PRKG1: variants seen among roughly 807,000 people sequenced by gnomAD.
PRKG1 encodes the protein protein kinase cGMP-dependent 1.
A neutral mutation model predicts 88.1 loss-of-function variants in PRKG1; 35 were observed. The observed-to-expected ratio is 0.40, with a 90% confidence interval of 0.30 to 0.53. The LOEUF is 0.53. Among genes scored for constraint, PRKG1 ranks in the 20% least tolerant of loss-of-function variants. The pLI is 0.59. For synonymous variants in PRKG1, 303 were observed against 292.5 expected, an observed-to-expected ratio of 1.04 and a Z score of -0.37; for missense variants, 540 against 839.8, an observed-to-expected ratio of 0.64 and a Z score of 4.41.
At chr10:51,013,645 C>G (rs1350143654) in intron 1 of PRKG1, among the ~76,000 whole-genome samples, 1 of 151,968 alleles carries the variant, frequency 6.6e-6, no homozygotes, top group Admixed American at 6.6e-5. Context: ...CCACCTAAGC[C>G]TCCCAAAGTG....
intron 1 of PRKG1, among the ~76,000 whole-genome samples, chr10:51,102,995 A>G (rs568843079): frequency 6.6e-6 from 1 of 152,312 alleles, no homozygotes; most frequent in East Asian, 1.9e-4. Flanking sequence ...CTGGTAAGAG[A>G]GAAAGAAAAA....
intron 3 of PRKG1, among the ~76,000 whole-genome samples, chr10:51,587,652 T>C (rs1403181866): frequency 6.6e-6 from 1 of 152,196 alleles, no homozygotes; most frequent in African/African-American, 2.4e-5. Flanking sequence ...AATGTACACA[T>C]ATATAGCTTG....
chr10:51,486,872 C>G (rs1840558617), intron 3 of PRKG1, among the ~76,000 whole-genome samples: 1 of 152,088 alleles, frequency 6.6e-6, no homozygotes, highest in Admixed American at 6.6e-5. Flanking sequence ...TTCCTAATTT[C>G]TACAGTGCGG....
In PRKG1 at chr10:52,012,335, G is replaced by A. The variant is rs537918406; in HGVS notation, c.763-42149G>A. On this transcript the variant is annotated intron_variant, in intron 5 of 17. Coordinates refer to ENST00000373980, the MANE Select transcript of PRKG1 (RefSeq NM_006258.4). The stretch of plus-strand genomic sequence containing the variant: ...CAGCTCACTGCAACCTCCACCTCCC[G>A]GGTTCAAGCCATTCTCCTGCCTCAG... Among the ~76,000 whole-genome samples, 10 of 150,422 alleles carry A rather than the reference G, an allele frequency of 6.6e-5. No individual in the cohort carries two copies. The South Asian group carries it at 1.3e-3, about 19-fold the overall frequency.
chr10:51,496,721 A>G (rs1840869171), intron 3 of PRKG1, among the ~76,000 whole-genome samples: 1 of 152,102 alleles, frequency 6.6e-6, no homozygotes, highest in Non-Finnish European at 1.5e-5. Flanking sequence ...TGTAAGTGTC[A>G]TAATTAGTAA....
chr10:52,279,593 A>G (rs928740973), intron 12 of PRKG1, among the ~76,000 whole-genome samples: 7 of 152,142 alleles, frequency 4.6e-5, no homozygotes, highest in African/African-American at 1.7e-4. Context: ...TCACTTATGA[A>G]TTTTGTAAAA....
chr10:51,254,214 G>A (rs112024029), intron 2 of PRKG1, among the ~76,000 whole-genome samples: 6,019 of 151,982 alleles, frequency 0.04, 187 homozygotes, highest in African/African-American at 0.088. Flanking sequence ...TTACAAGCTT[G>A]TAAGTATTCT....
intron 8 of PRKG1, among the ~76,000 whole-genome samples, chr10:52,153,142 T>C (rs990227177): frequency 2.0e-5 from 3 of 152,208 alleles, no homozygotes; most frequent in African/African-American, 7.2e-5. Flanking sequence ...ACCAGTTTTG[T>C]TTTTATTTTC....
intron 2 of PRKG1, among the ~76,000 whole-genome samples, chr10:51,275,090 C>T (rs1840079385): frequency 6.6e-6 from 1 of 152,154 alleles, no homozygotes; most frequent in South Asian, 2.1e-4. Context: ...ATTCGATAGC[C>T]AGTGGCCTGG....
At chr10:51,393,918 G>T (rs1837507636) in intron 2 of PRKG1, among the ~76,000 whole-genome samples, 1 of 152,088 alleles carries the variant, frequency 6.6e-6, no homozygotes, top group African/African-American at 2.4e-5. Flanking sequence ...TTAAATGTTA[G>T]TTAGAAGTAA....
chr10:51,472,347 C>T (rs1478054613), intron 3 of PRKG1, among the ~76,000 whole-genome samples: 9 of 151,896 alleles, frequency 5.9e-5, no homozygotes, highest in East Asian at 1.9e-4. Context: ...TGCTGACTGT[C>T]GAAAACCTAA....
intron 1 of PRKG1, among the ~76,000 whole-genome samples, chr10:51,019,482 T>G (rs1197352114): frequency 6.6e-6 from 1 of 152,032 alleles, no homozygotes; most frequent in African/African-American, 2.4e-5. Flanking sequence ...TAACACCATA[T>G]ACAAAAATTA....
At chr10:52,011,398 A>G (rs1844875264) in intron 5 of PRKG1, among the ~76,000 whole-genome samples, 1 of 152,220 alleles carries the variant, frequency 6.6e-6, no homozygotes, top group Non-Finnish European at 1.5e-5. Context: ...GATGACTGAA[A>G]AAGCAGACAT....
chr10:52,241,423 A>C (rs1474469052), intron 9 of PRKG1, among the ~76,000 whole-genome samples: 2 of 152,190 alleles, frequency 1.3e-5, no homozygotes, highest in Non-Finnish European at 2.9e-5. Flanking sequence ...CGTTTTGCAG[A>C]AAAGGGGATA....
At chr10:52,142,924 G>A (rs538659158) in intron 8 of PRKG1, among the ~76,000 whole-genome samples, 1 of 152,232 alleles carries the variant, frequency 6.6e-6, no homozygotes, top group East Asian at 1.9e-4. Flanking sequence ...TCCACAATTA[G>A]CACAGTATCA....
intron 7 of PRKG1, among the ~76,000 whole-genome samples, chr10:52,079,517 G>C (rs1367632224): frequency 6.6e-6 from 1 of 152,134 alleles, no homozygotes; most frequent in African/African-American, 2.4e-5. Flanking sequence ...CGTGACTTCT[G>C]TTTCCCTCTG....
At chr10:51,632,760 C>CT (rs892396788) in intron 3 of PRKG1, among the ~76,000 whole-genome samples, 8 of 152,158 alleles carry the variant, frequency 5.3e-5, no homozygotes, top group African/African-American at 1.9e-4. Context: ...GTAAGGAACT[C>CT]TGATTGGGCT....
At chr10:51,908,734 A>ATATATATATATATATT (rs563212069) in intron 5 of PRKG1, 1 of 52,220 alleles carries the variant, frequency 1.9e-5, no homozygotes, top group African/African-American at 5.8e-5. Context: ...TCTATATGTA[A>ATATATATATATATATT]TTTTTTTTTT....
intron 2 of PRKG1, among the ~76,000 whole-genome samples, chr10:51,248,406 T>TA (rs1042775961): frequency 4.0e-5 from 6 of 151,842 alleles, no homozygotes; most frequent in East Asian, 3.9e-4. Flanking sequence ...AATGTTTTAT[T>TA]AAAAAAATCG....
Sources: allele counts gnomAD v4.1 joint callset (sites outside exome capture counted in the v4.1 genomes callset), GRCh38; gene constraint gnomAD v4.1.1; transcripts MANE v1.5; gene names NCBI Gene and HGNC (gene_info 2026-07-23, HGNC 2026-07-21).